VOPP1: variants seen among roughly 807,000 people sequenced by gnomAD.
VOPP1 encodes VOPP1 WW domain binding protein.
VOPP1 carries 8 observed loss-of-function variants against 23.5 expected under a neutral mutation model. That is an observed-to-expected ratio of 0.34 (90% CI 0.20 to 0.61). The LOEUF (loss-of-function observed/expected upper bound fraction) is 0.61, where lower values mean the gene tolerates loss of function less well. Among genes scored for constraint, VOPP1 ranks in the 20% least tolerant of loss-of-function variants. The pLI is 0.78. For synonymous variants in VOPP1, 83 were observed against 97.3 expected (o/e 0.85, Z 0.86); for missense variants, 174 against 238.1 (o/e 0.73, Z 1.77).
intron 1 of VOPP1, among the ~76,000 whole-genome samples, chr7:55,555,252 A>G (rs1797762354): frequency 6.6e-6 from 1 of 152,216 alleles, no homozygotes; most frequent in Non-Finnish European, 1.5e-5. Context: ...CAGGAGAGGG[A>G]GGGTGCTCTG....
chr7:55,477,874 T>C (rs1275787212), intron 4 of VOPP1, among the ~76,000 whole-genome samples: 1 of 152,222 alleles, frequency 6.6e-6, no homozygotes, highest in African/African-American at 2.4e-5. Flanking sequence ...CAGGGCCGGA[T>C]GCTGGAGCCT....
At chr7:55,530,355 T>C (rs1426358384) in intron 1 of VOPP1, among the ~76,000 whole-genome samples, 1 of 152,178 alleles carries the variant, frequency 6.6e-6, no homozygotes, top group Admixed American at 6.5e-5. Context: ...AAGACTCTTT[T>C]CATTCCAGCT....
intron 1 of VOPP1, among the ~76,000 whole-genome samples, chr7:55,534,935 A>T (rs1329521978): frequency 6.6e-6 from 1 of 152,214 alleles, no homozygotes; most frequent in Non-Finnish European, 1.5e-5. Flanking sequence ...GCCACACCAC[A>T]AAGGAGGCTG....
chr7:55,460,687 T>C (rs1791477590), intron 4 of VOPP1, among the ~76,000 whole-genome samples: 1 of 152,260 alleles, frequency 6.6e-6, no homozygotes, highest in South Asian at 2.1e-4. Context: ...CAATCTAATA[T>C]ATCCCCTTGC....
At chr7:55,547,812 T>A (rs1430253350) in intron 1 of VOPP1, among the ~76,000 whole-genome samples, 3 of 152,206 alleles carry the variant, frequency 2.0e-5, no homozygotes, top group African/African-American at 4.8e-5. Context: ...CACAGCAAGA[T>A]CTTTTCCATT....
chr7:55,562,528 T>C (rs146461401), intron 1 of VOPP1, among the ~76,000 whole-genome samples: 1 of 152,320 alleles, frequency 6.6e-6, no homozygotes, highest in East Asian at 1.9e-4. Context: ...GGGGTCAATC[T>C]ATCACAACAG....
intron 4 of VOPP1, among the ~76,000 whole-genome samples, chr7:55,443,202 GAT>G (rs1005851188): frequency 6.6e-6 from 1 of 152,122 alleles, no homozygotes; most frequent in Non-Finnish European, 1.5e-5. Flanking sequence ...GGTTCAAAAA[GAT>G]ATAGAAATCT....
chr7:55,547,824 T>G (rs143561908), intron 1 of VOPP1, among the ~76,000 whole-genome samples: 1,665 of 152,316 alleles, frequency 0.011, 11 homozygotes, highest in Middle Eastern at 0.02. Context: ...TTTTCCATTT[T>G]ACCACACTTC....
rs1033492562 is a variant in VOPP1 at position 55,536,141 on chromosome 7, C to T, written c.55-15011G>A. ...GGTGGAAACGCTCACATATCCACTTCCTTCTCTGCCTGCTCAAAAGTTGTA... is the reference window on the plus strand; with the variant it reads ...GGTGGAAACGCTCACATATCCACTTTCTTCTCTGCCTGCTCAAAAGTTGTA... On this transcript the variant is annotated intron_variant, in intron 1 of 4. Transcript: ENST00000285279. Among the ~76,000 whole-genome samples, 74 of 152,224 alleles carry T rather than the reference C, an allele frequency of 4.9e-4. 1 individual carries two copies. The highest frequency in any genetic ancestry group is 1.6e-3 in the African/African-American group (65 of 41,468).
chr7:55,510,204 T>C (rs1399104905), intron 2 of VOPP1, among the ~76,000 whole-genome samples: 1 of 152,254 alleles, frequency 6.6e-6, no homozygotes, highest in Non-Finnish European at 1.5e-5. Context: ...CCTGTAAGTG[T>C]GCATCATCTA....
chr7:55,501,861 A>T (rs987327552), intron 2 of VOPP1, among the ~76,000 whole-genome samples: 6 of 152,146 alleles, frequency 3.9e-5, no homozygotes, highest in African/African-American at 9.7e-5. Context: ...ACCCTCTGCC[A>T]CCAAGATGCT....
At chr7:55,567,264 G>A (rs890479277) in intron 1 of VOPP1, among the ~76,000 whole-genome samples, 1 of 152,200 alleles carries the variant, frequency 6.6e-6, no homozygotes, top group Non-Finnish European at 1.5e-5. Context: ...ATAAATCAGA[G>A]CAAAACCTTT....
At chr7:55,487,893 C>T (rs1368405449) in intron 4 of VOPP1, among the ~76,000 whole-genome samples, 1 of 152,230 alleles carries the variant, frequency 6.6e-6, no homozygotes, top group East Asian at 1.9e-4. Context: ...TTCCCCCAGG[C>T]CTACAGTGCT....
chr7:55,530,763 G>C (rs907281779), intron 1 of VOPP1: 1 of 152,182 alleles, frequency 6.6e-6, no homozygotes, highest in Non-Finnish European at 1.5e-5. Context: ...TGAAAGACCC[G>C]ATCTCCATGC....
At chr7:55,539,081 C>T (rs962395018) in intron 1 of VOPP1, among the ~76,000 whole-genome samples, 1 of 151,016 alleles carries the variant, frequency 6.6e-6, no homozygotes, top group Non-Finnish European at 1.5e-5. Flanking sequence ...TGATGGCTCA[C>T]GCCTGTAATC....
chr7:55,532,710 G>A (rs1562601780), intron 1 of VOPP1, among the ~76,000 whole-genome samples: 1 of 152,180 alleles, frequency 6.6e-6, no homozygotes. Context: ...CCCTTTCCAT[G>A]GAAGTTTTCA....
intron 4 of VOPP1, among the ~76,000 whole-genome samples, chr7:55,479,862 C>T (rs570911609): frequency 1.3e-5 from 2 of 152,160 alleles, no homozygotes; most frequent in Admixed American, 1.3e-4. Flanking sequence ...AATAAAAGGC[C>T]TTACATGGCT....
Position 55,471,153 on chromosome 7 carries a change from TTGTCTTGGTTGTAAACA to T in VOPP1, c.*1685_*1701del, listed in dbSNP as rs1791792439. 2 of 147,856 alleles carry T rather than the reference TTGTCTTGGTTGTAAACA, an allele frequency of 1.4e-5. 1 individual carries two copies. Among genetic ancestry groups the T allele is most frequent in the South Asian group, 4.6e-4 (2 of 4,372 alleles). 9.2% of individuals were successfully genotyped at this position (147,856 alleles called of 1,614,324 possible). ...AAGAGGAGTGTTTGGACCCACGCAG[TTGTCTTGGTTGTAAACA>T]GTGAACATTGTGCTTTGTTGTCTCA... is the stretch of plus-strand genomic sequence containing the variant. On this transcript the variant is annotated 3_prime_UTR_variant, in exon 5 of 5. Transcript: ENST00000285279.
At chr7:55,495,866 C>T (rs1793913276) in intron 3 of VOPP1, among the ~76,000 whole-genome samples, 1 of 152,248 alleles carries the variant, frequency 6.6e-6, no homozygotes, top group Non-Finnish European at 1.5e-5. Context: ...ACATTAATGA[C>T]TCAGCCCCAT....
Sources: gnomAD v4.1 joint callset for allele counts (sites outside exome capture counted in the v4.1 genomes callset) on GRCh38, gnomAD v4.1.1 for gene constraint, MANE v1.5 for transcripts, NCBI Gene and HGNC (gene_info 2026-07-23, HGNC 2026-07-21) for gene names.